The following MRTFA variants were observed in gnomAD, a reference collection of about 807,000 sequenced individuals.
MRTFA encodes myocardin related transcription factor A.
In MRTFA, 20 loss-of-function variants were observed where a neutral mutation model predicts 83.5. The observed-to-expected ratio is 0.24, with a 90% CI of 0.17 to 0.35. The LOEUF (loss-of-function observed/expected upper bound fraction) is 0.35. MRTFA is among the 10% of genes least tolerant of loss of function. MRTFA has a pLI of 1.00. For missense variants in MRTFA, 1,200 were observed against 1,224.7 expected (o/e 0.98, Z 0.30); for synonymous variants, 659 against 541.2 (o/e 1.22, Z -3.02).
chr22:40,596,936 C>A (rs1292550289), intron 1 of MRTFA, among the ~76,000 whole-genome samples: 1 of 152,050 alleles, frequency 6.6e-6, no homozygotes, highest in Non-Finnish European at 1.5e-5. Flanking sequence ...GATCACACCA[C>A]TGCACTCCAG....
intron 3 of MRTFA, among the ~76,000 whole-genome samples, chr22:40,518,022 G>T (rs1052891034): frequency 1.3e-5 from 2 of 152,102 alleles, no homozygotes; most frequent in Non-Finnish European, 2.9e-5. Flanking sequence ...TGGTGCTCTG[G>T]GGGTCGTATG....
intron 3 of MRTFA, among the ~76,000 whole-genome samples, chr22:40,525,818 C>T (rs546185975): frequency 6.6e-6 from 1 of 151,836 alleles, no homozygotes; most frequent in East Asian, 1.9e-4. Context: ...TTACAATACA[C>T]GAAGTATTCT....
intron 3 of MRTFA, among the ~76,000 whole-genome samples, chr22:40,510,227 G>A (rs1266302018): frequency 6.6e-6 from 1 of 152,118 alleles, no homozygotes; most frequent in Non-Finnish European, 1.5e-5. Context: ...TGAATTAGTG[G>A]CTGGGGGTAA....
At chr22:40,417,113 G>A (rs1422619198) in intron 13 of MRTFA, 67 bp from the exon 14 acceptor site, 55 of 1,501,770 alleles carry the variant, frequency 3.7e-5, no homozygotes, top group Non-Finnish European at 4.4e-5. Context: ...CCCGAACTAC[G>A]AATGAGGCCC....
chr22:40,467,915 G>A (rs1010276141), intron 3 of MRTFA, among the ~76,000 whole-genome samples: 3 of 152,150 alleles, frequency 2.0e-5, no homozygotes, highest in Non-Finnish European at 4.4e-5. Flanking sequence ...ATGAACAGAT[G>A]TCTTTAGAGC....
intron 4 of MRTFA, among the ~76,000 whole-genome samples, chr22:40,445,258 A>G (rs566179684): frequency 1.3e-5 from 2 of 152,264 alleles, no homozygotes; most frequent in Admixed American, 1.3e-4. Flanking sequence ...GTTATCTTTT[A>G]GCCATATTTA....
intron 3 of MRTFA, among the ~76,000 whole-genome samples, chr22:40,490,609 AAAAG>A (rs1480490337): frequency 4.6e-5 from 7 of 151,798 alleles, no homozygotes; most frequent in Non-Finnish European, 8.8e-5. Context: ...AAAAAAAAAA[AAAAG>A]AAAAGAAAAG....
At chr22:40,628,597 T>G (rs1403102118) in intron 1 of MRTFA, among the ~76,000 whole-genome samples, 1 of 150,532 alleles carries the variant, frequency 6.6e-6, no homozygotes, top group Non-Finnish European at 1.5e-5. Flanking sequence ...TGCATATCAA[T>G]AAGAATGAGT....
rs572819231 is a variant in MRTFA, at chr22:40,544,955, A to T, written c.241+7151T>A. ...ATAAATAAATAAATAAATAAATAAAATAAATATATATATATACACATAAAA... is the reference window on the plus strand; with the variant it reads ...ATAAATAAATAAATAAATAAATAAATTAAATATATATATATACACATAAAA... On this transcript the variant is annotated intron_variant, in intron 3 of 14. Transcript: ENST00000355630. Among the ~76,000 whole-genome samples, 103 of 149,486 alleles carry T rather than the reference A, an allele frequency of 6.9e-4. 1 individual carries two copies. Among genetic ancestry groups the T allele is most frequent in the Admixed American group, 3.2e-3 (48 of 15,002 alleles).
chr22:40,624,381 G>A (rs2056557154), intron 1 of MRTFA, among the ~76,000 whole-genome samples: 2 of 145,462 alleles, frequency 1.4e-5, no homozygotes, highest in Middle Eastern at 3.7e-3. Flanking sequence ...AGCCGAGATC[G>A]CGCCACTGCA....
At chr22:40,562,373 T>G (rs1396789007) in intron 2 of MRTFA, among the ~76,000 whole-genome samples, 1 of 151,512 alleles carries the variant, frequency 6.6e-6, no homozygotes, top group Non-Finnish European at 1.5e-5. Flanking sequence ...TGAATAACAC[T>G]AAGAGATGAC....
intron 4 of MRTFA, among the ~76,000 whole-genome samples, chr22:40,440,503 G>C (rs1602245353): frequency 6.6e-6 from 1 of 152,196 alleles, no homozygotes; most frequent in Non-Finnish European, 1.5e-5. Flanking sequence ...AGCAGATTCA[G>C]CAATTTCAAC....
At chr22:40,506,871 A>T (rs921284585) in intron 3 of MRTFA, among the ~76,000 whole-genome samples, 3 of 152,232 alleles carry the variant, frequency 2.0e-5, no homozygotes, top group Non-Finnish European at 4.4e-5. Flanking sequence ...CATGTGACAC[A>T]CAAAAAGTGC....
In MRTFA at chr22:40,416,955, G is replaced by A. The variant is rs368141080; in HGVS notation, c.2578+31C>T. ...GAGACACCTATGAACAGAGAAGGCC[G>A]TCAGGGAGGCAGCAGGGGACCTGGG... On this transcript the variant is annotated intron_variant, in intron 14 of 14. Coordinates refer to ENST00000355630, the MANE Select transcript of MRTFA (RefSeq NM_020831.6). The surrounding 1 kb of genome is among the most constrained non-coding windows in gnomAD (Gnocchi z 4.2). 8.9e-5 allele frequency: 141 copies of A among 1,575,436 alleles called. 1 individual carries two copies. The South Asian group carries it at 1.4e-3, about 16-fold the overall frequency.
chr22:40,621,378 T>G (rs1035464725), intron 1 of MRTFA, among the ~76,000 whole-genome samples: 12 of 152,142 alleles, frequency 7.9e-5, no homozygotes, highest in African/African-American at 2.7e-4. Flanking sequence ...AAGACAAATA[T>G]TGTATGGTTC....
In MRTFA at chr22:40,481,837, G is replaced by T. The variant is rs569069307; in HGVS notation, c.242-18551C>A. On this transcript the variant is annotated intron_variant, in intron 3 of 14. Coordinates refer to ENST00000355630, the MANE Select transcript of MRTFA (RefSeq NM_020831.6). ...GCACTTTGGGAGGCCAAGACAGGCAGATCACAAGGTCAGGAGATCGAGACC... is the reference window on the plus strand; with the variant it reads ...GCACTTTGGGAGGCCAAGACAGGCATATCACAAGGTCAGGAGATCGAGACC... Among the ~76,000 whole-genome samples the T allele has an allele frequency of 2.6e-4, 40 of 152,226 alleles. No homozygotes were observed. The South Asian group carries it at 7.9e-3, about 30-fold the overall frequency.
intron 3 of MRTFA, among the ~76,000 whole-genome samples, chr22:40,544,922 C>T (rs1275537857): frequency 6.7e-6 from 1 of 149,600 alleles, no homozygotes; most frequent in Non-Finnish European, 1.5e-5. Context: ...ATGACACTGT[C>T]TTGAAAAATA....
At chr22:40,434,031 A>G (rs1212497421) in intron 5 of MRTFA, among the ~76,000 whole-genome samples, 1 of 152,252 alleles carries the variant, frequency 6.6e-6, no homozygotes, top group Non-Finnish European at 1.5e-5. Flanking sequence ...AGCTGCATCT[A>G]TAAAATGAGG....
intron 2 of MRTFA, among the ~76,000 whole-genome samples, chr22:40,585,300 A>T (rs1297296808): frequency 6.6e-6 from 1 of 152,238 alleles, no homozygotes; most frequent in African/African-American, 2.4e-5. Flanking sequence ...CACATAGGCT[A>T]AATTTATAAC....
Sources: allele counts gnomAD v4.1 joint callset (sites outside exome capture counted in the v4.1 genomes callset), GRCh38; gene constraint gnomAD v4.1.1; non-coding constraint Gnocchi (gnomAD v3.1); transcripts MANE v1.5; gene names NCBI Gene and HGNC (gene_info 2026-07-23, HGNC 2026-07-21).